SOX5: variants seen among roughly 807,000 people sequenced by gnomAD.
SOX5 encodes the protein transcription factor SOX-5.
In SOX5, 9 loss-of-function variants were observed where a neutral mutation model predicts 92.0. The observed-to-expected ratio is 0.10, with a 90% CI of 0.06 to 0.17. The LOEUF (loss-of-function observed/expected upper bound fraction) is 0.17, where lower values mean the gene tolerates loss of function less well. Ranked by LOEUF, SOX5 falls within the 10% of genes least tolerant of loss-of-function variation. SOX5 has a pLI of 1.00. For missense variants in SOX5, 642 were observed against 944.5 expected, an observed-to-expected ratio of 0.68 and a Z score of 4.20; for synonymous variants, 344 against 336.3, an observed-to-expected ratio of 1.02 and a Z score of -0.25.
intron 6 of SOX5, among the ~76,000 whole-genome samples, chr12:23,703,435 C>G (rs1293308038): frequency 1.3e-5 from 2 of 152,060 alleles, no homozygotes; most frequent in East Asian, 1.9e-4. Flanking sequence ...CAGGCAGGCC[C>G]ACACTCTGGG....
In SOX5 at chr12:23,708,264, T is replaced by C. The variant is rs572981304; in HGVS notation, c.810+26420A>G. ...TTTGGCCTTACTGAATGTGACTACA[T>C]TTGACATGGAGAGAGGTAGTAGAGA... On this transcript the variant is annotated intron_variant, in intron 6 of 14. Coordinates refer to ENST00000451604, the MANE Select transcript of SOX5 (RefSeq NM_006940.6). Among the ~76,000 whole-genome samples, 122 of 150,960 alleles carry C rather than the reference T, an allele frequency of 8.1e-4. 1 individual carries two copies. The highest frequency in any genetic ancestry group is 2.7e-3 in the African/African-American group (113 of 41,294).
intron 11 of SOX5, among the ~76,000 whole-genome samples, chr12:23,551,431 T>C (rs1489862947): frequency 1.3e-5 from 2 of 151,862 alleles, no homozygotes; most frequent in African/African-American, 2.4e-5. Context: ...ACCCACATAA[T>C]ATAACACCGA....
At chr12:24,124,410 C>T (rs190274937) in intron 4 of SOX5, among the ~76,000 whole-genome samples, 6 of 152,220 alleles carry the variant, frequency 3.9e-5, no homozygotes, top group Admixed American at 3.9e-4. Context: ...GAAGTTCACA[C>T]AAGAGGGTGA....
intron 4 of SOX5, among the ~76,000 whole-genome samples, chr12:24,177,872 T>C (rs980771207): frequency 2.6e-5 from 4 of 152,190 alleles, no homozygotes; most frequent in South Asian, 2.1e-4. Context: ...ATTGCGATAA[T>C]TGACCCAGGA....
chr12:24,513,448 A>G (rs1949506021), intron 1 of SOX5, among the ~76,000 whole-genome samples: 2 of 152,228 alleles, frequency 1.3e-5, no homozygotes, highest in Non-Finnish European at 2.9e-5. Flanking sequence ...TCTTGTTTGT[A>G]AACTGGCATG....
intron 6 of SOX5, among the ~76,000 whole-genome samples, chr12:23,702,305 T>C (rs1014927758): frequency 2.0e-4 from 31 of 152,032 alleles, no homozygotes; most frequent in African/African-American, 7.2e-4. Context: ...TTTTAAACAG[T>C]TTATGCCTAA....
chr12:24,478,246 G>C (rs1357562107), intron 1 of SOX5, among the ~76,000 whole-genome samples: 1 of 152,056 alleles, frequency 6.6e-6, no homozygotes, highest in Non-Finnish European at 1.5e-5. Context: ...TATTGTATTT[G>C]ATATTAAAAT....
intron 4 of SOX5, among the ~76,000 whole-genome samples, chr12:24,147,302 T>C (rs1308582571): frequency 1.3e-5 from 2 of 152,206 alleles, no homozygotes; most frequent in Admixed American, 6.5e-5. Context: ...AATTGGCTCA[T>C]GTAATTATAT....
chr12:23,654,364 C>T (rs913236408), intron 7 of SOX5, among the ~76,000 whole-genome samples: 1 of 151,968 alleles, frequency 6.6e-6, no homozygotes, highest in Non-Finnish European at 1.5e-5. Flanking sequence ...ATATGCACTT[C>T]CAAAGTCTTA....
At chr12:24,045,796 C>T (rs1474479088) in intron 4 of SOX5, among the ~76,000 whole-genome samples, 2 of 152,210 alleles carry the variant, frequency 1.3e-5, no homozygotes, top group East Asian at 1.9e-4. Flanking sequence ...GAATCCTTTA[C>T]ACATTTCAGT....
At chr12:23,615,049 G>A (rs948549203) in intron 8 of SOX5, among the ~76,000 whole-genome samples, 1 of 152,104 alleles carries the variant, frequency 6.6e-6, no homozygotes, top group African/African-American at 2.4e-5. Flanking sequence ...TGATCCACCT[G>A]CTTCGGCCTC....
At chr12:24,357,618 G>A (rs1429730112) in intron 2 of SOX5, among the ~76,000 whole-genome samples, 3 of 152,058 alleles carry the variant, frequency 2.0e-5, no homozygotes, top group Non-Finnish European at 4.4e-5. Flanking sequence ...CGAGGCGGGT[G>A]GATTGCCTGA....
chr12:24,222,689 T>C (rs768120208), intron 3 of SOX5, among the ~76,000 whole-genome samples: 4 of 152,148 alleles, frequency 2.6e-5, no homozygotes, highest in Non-Finnish European at 4.4e-5. Flanking sequence ...TGGGAGGGGA[T>C]AGGATTAATA....
intron 4 of SOX5, among the ~76,000 whole-genome samples, chr12:24,026,344 T>G (rs968252521): frequency 6.6e-6 from 1 of 152,022 alleles, no homozygotes; most frequent in East Asian, 1.9e-4. Flanking sequence ...CCAAGAACTT[T>G]TTAAAAAAAT....
intron 6 of SOX5, among the ~76,000 whole-genome samples, chr12:23,719,802 A>AAAC (rs1555289208): frequency 3.3e-5 from 5 of 150,162 alleles, no homozygotes; most frequent in East Asian, 3.9e-4. Flanking sequence ...AAAAAAAAAA[A>AAAC]AAAAAAAAAC....
At chr12:24,340,810 T>C (rs753500590) in intron 2 of SOX5, among the ~76,000 whole-genome samples, 4 of 152,214 alleles carry the variant, frequency 2.6e-5, no homozygotes, top group African/African-American at 9.6e-5. Context: ...CACTCACTTA[T>C]TTTAAGCCCA....
chr12:23,782,743 T>C (rs2095306709), intron 3 of SOX5, among the ~76,000 whole-genome samples: 1 of 152,182 alleles, frequency 6.6e-6, no homozygotes, highest in Non-Finnish European at 1.5e-5. Context: ...GAAATGTTTG[T>C]CATAAAGTGC....
At chr12:24,509,769 C>T (rs1222429733) in intron 1 of SOX5, among the ~76,000 whole-genome samples, 2 of 152,146 alleles carry the variant, frequency 1.3e-5, no homozygotes, top group African/African-American at 4.8e-5. Flanking sequence ...CTTGGCCCAG[C>T]CAGTAACTAG....
At chr12:23,739,297 T>C (rs1010419012) in intron 5 of SOX5, among the ~76,000 whole-genome samples, 11 of 152,306 alleles carry the variant, frequency 7.2e-5, no homozygotes, top group African/African-American at 2.6e-4. Flanking sequence ...TTACGTTGTA[T>C]TTACTACCAA....
Sources: allele counts gnomAD v4.1 joint callset (sites outside exome capture counted in the v4.1 genomes callset), GRCh38; gene constraint gnomAD v4.1.1; transcripts MANE v1.5; gene names NCBI Gene and HGNC (gene_info 2026-07-23, HGNC 2026-07-21).